The following LRRTM4 variants were observed in gnomAD, a reference collection of about 807,000 sequenced individuals.
LRRTM4 encodes leucine rich repeat transmembrane neuronal 4.
A neutral mutation model predicts 47.6 loss-of-function variants in LRRTM4; 25 were observed. That is an observed-to-expected ratio of 0.53 (90% confidence interval 0.38 to 0.73). The LOEUF (loss-of-function observed/expected upper bound fraction) is 0.73. Among genes scored for constraint, LRRTM4 ranks in the 30% least tolerant of loss-of-function variants. The pLI is 0.00. For synonymous variants in LRRTM4, 311 were observed against 269.5 expected (o/e 1.15, Z -1.51); for missense variants, 638 against 713.4 (o/e 0.89, Z 1.20).
intron 3 of LRRTM4, among the ~76,000 whole-genome samples, chr2:76,797,638 A>G (rs1301158587): frequency 1.3e-5 from 2 of 151,750 alleles, no homozygotes; most frequent in East Asian, 3.9e-4. Flanking sequence ...ATGTAAATGG[A>G]CTAAATGCTC....
intron 3 of LRRTM4, among the ~76,000 whole-genome samples, chr2:76,840,611 A>G (rs529189854): frequency 6.6e-6 from 1 of 152,366 alleles, no homozygotes; most frequent in South Asian, 2.1e-4. Flanking sequence ...AAAGAAAAAA[A>G]GGAGAAACCA....
At chr2:76,802,201 A>G (rs1375730985) in intron 3 of LRRTM4, among the ~76,000 whole-genome samples, 2 of 150,506 alleles carry the variant, frequency 1.3e-5, no homozygotes, top group African/African-American at 2.4e-5. Flanking sequence ...GTCAGACGAC[A>G]TGATCTTATA....
At chr2:77,011,377 G>A (rs999484251) in intron 3 of LRRTM4, among the ~76,000 whole-genome samples, 36 of 152,032 alleles carry the variant, frequency 2.4e-4, no homozygotes, top group African/African-American at 7.5e-4. Context: ...ACATTGGATA[G>A]AATACAGCTG....
At chr2:76,988,456 T>A (rs970303174) in intron 3 of LRRTM4, among the ~76,000 whole-genome samples, 2 of 151,820 alleles carry the variant, frequency 1.3e-5, no homozygotes, top group African/African-American at 4.8e-5. Context: ...GTTGCCATGG[T>A]GATGGAATGT....
At chr2:76,851,757 T>G (rs1443200051) in intron 3 of LRRTM4, among the ~76,000 whole-genome samples, 2 of 38,550 alleles carry the variant, frequency 5.2e-5, no homozygotes, top group South Asian at 6.3e-4. Context: ...TTTTATTCGT[T>G]TTTTTTTTTT....
At chr2:77,083,783 CTTTTTTTTTTTTTT>C (rs386390525) in intron 3 of LRRTM4, among the ~76,000 whole-genome samples, 26 of 52,390 alleles carry the variant, frequency 5.0e-4, no homozygotes, top group Non-Finnish European at 7.2e-4. Flanking sequence ...ACTGGACACA[CTTTTTTTTTTTTTT>C]TTTTTTTTTT....
intron 3 of LRRTM4, among the ~76,000 whole-genome samples, chr2:77,432,558 C>A (rs999038854): frequency 6.6e-6 from 1 of 152,128 alleles, no homozygotes; most frequent in Non-Finnish European, 1.5e-5. Context: ...AGCCAGTCAT[C>A]GACATATGGG....
intron 3 of LRRTM4, among the ~76,000 whole-genome samples, chr2:76,766,872 GAA>G (rs1172423132): frequency 6.6e-6 from 1 of 152,016 alleles, no homozygotes; most frequent in East Asian, 1.9e-4. Context: ...TACCCCCAAG[GAA>G]AAAAGAACTA....
chr2:76,804,134 G>A (rs971061423), intron 3 of LRRTM4, among the ~76,000 whole-genome samples: 6 of 152,114 alleles, frequency 3.9e-5, no homozygotes, highest in East Asian at 1.9e-4. Context: ...GGACCTGTGA[G>A]TGTGACTACA....
At chr2:77,173,085 C>T (rs780734809) in intron 3 of LRRTM4, among the ~76,000 whole-genome samples, 1 of 152,112 alleles carries the variant, frequency 6.6e-6, no homozygotes, top group Non-Finnish European at 1.5e-5. Context: ...AAGGATGATA[C>T]AGCAAAAGGA....
intron 3 of LRRTM4, among the ~76,000 whole-genome samples, chr2:77,472,892 T>G (rs765539547): frequency 6.6e-6 from 1 of 152,126 alleles, no homozygotes; most frequent in Non-Finnish European, 1.5e-5. Context: ...CAATATCAGG[T>G]ATATATAATT....
intron 3 of LRRTM4, among the ~76,000 whole-genome samples, chr2:76,908,179 CT>C (rs1340044766): frequency 1.3e-5 from 2 of 149,450 alleles, no homozygotes; most frequent in African/African-American, 4.9e-5. Flanking sequence ...GGATGCAAGG[CT>C]GGTTCAATAT....
At chr2:77,410,639 T>C (rs1674382956) in intron 3 of LRRTM4, among the ~76,000 whole-genome samples, 1 of 152,184 alleles carries the variant, frequency 6.6e-6, no homozygotes, top group Non-Finnish European at 1.5e-5. Context: ...TGTGGTCTAA[T>C]TGAAATTTAT....
rs188843708 is a variant in LRRTM4, at chr2:77,431,147, G to A, written c.1551+87171C>T. Among the ~76,000 whole-genome samples, 330 of 148,898 alleles carry A rather than the reference G, an allele frequency of 2.2e-3. 12 individuals carry two copies. The highest frequency in any genetic ancestry group is 6.4e-3 in the Admixed American group (97 of 15,164). On this transcript the variant is annotated intron_variant, in intron 3 of 3. Transcript: ENST00000409884. ...GTGAGACTTCTCAGCCTCCATGACC[G>A]CATGAGCCAATTCCCCTAATAAATC...
chr2:77,510,262 T>G (rs1458665394), intron 3 of LRRTM4, among the ~76,000 whole-genome samples: 1 of 152,112 alleles, frequency 6.6e-6, no homozygotes, highest in African/African-American at 2.4e-5. Context: ...AGAAATCAAC[T>G]TTTAATAAGT....
intron 3 of LRRTM4, among the ~76,000 whole-genome samples, chr2:77,136,673 T>G (rs897918459): frequency 2.6e-5 from 4 of 152,122 alleles, no homozygotes; most frequent in African/African-American, 9.6e-5. Flanking sequence ...GGATCAAATT[T>G]CTCCGAGCTA....
At chr2:77,002,130 A>C (rs573557614) in intron 3 of LRRTM4, among the ~76,000 whole-genome samples, 1 of 152,168 alleles carries the variant, frequency 6.6e-6, no homozygotes, top group South Asian at 2.1e-4. Flanking sequence ...ATTATTCTCA[A>C]ATAATATTGT....
intron 3 of LRRTM4, among the ~76,000 whole-genome samples, chr2:76,973,607 T>C (rs937251427): frequency 6.6e-6 from 1 of 151,940 alleles, no homozygotes; most frequent in African/African-American, 2.4e-5. Flanking sequence ...CCATATTACT[T>C]CTGATGAGCT....
At chr2:76,858,780 C>G (rs914243343) in intron 3 of LRRTM4, among the ~76,000 whole-genome samples, 1 of 152,166 alleles carries the variant, frequency 6.6e-6, no homozygotes, top group African/African-American at 2.4e-5. Context: ...TTTATTGTTG[C>G]AATTTCATAA....
Sources: gnomAD v4.1 joint callset for allele counts (sites outside exome capture counted in the v4.1 genomes callset) on GRCh38, gnomAD v4.1.1 for gene constraint, MANE v1.5 for transcripts, NCBI Gene and HGNC (gene_info 2026-07-23, HGNC 2026-07-21) for gene names.